Variants in IGSF21 observed in about 807,000 individuals in gnomAD.
IGSF21 encodes the protein immunoglobin superfamily member 21.
A neutral mutation model predicts 46.8 loss-of-function variants in IGSF21; 28 were observed. The observed-to-expected ratio is 0.60, with a 90% confidence interval of 0.44 to 0.82. The LOEUF (loss-of-function observed/expected upper bound fraction) is 0.82, where lower values mean the gene tolerates loss of function less well. Among genes scored for constraint, IGSF21 ranks in the 40% least tolerant of loss-of-function variants. IGSF21 has a pLI of 0.00. For synonymous variants in IGSF21, 284 were observed against 273.6 expected, an observed-to-expected ratio of 1.04 and a Z score of -0.38; for missense variants, 624 against 665.5, an observed-to-expected ratio of 0.94 and a Z score of 0.69.
At chr1:18,250,518 C>T (rs2084831348) in intron 2 of IGSF21, among the ~76,000 whole-genome samples, 1 of 152,192 alleles carries the variant, frequency 6.6e-6, no homozygotes, top group African/African-American at 2.4e-5. Context: ...ATCGCTGTCT[C>T]TCCCTCTCTT....
At chr1:18,368,697 G>A (rs2086193329) in intron 6 of IGSF21, among the ~76,000 whole-genome samples, 1 of 151,992 alleles carries the variant, frequency 6.6e-6, no homozygotes, top group Non-Finnish European at 1.5e-5. Context: ...TTCCTCCCCT[G>A]ACAGAGCAGC....
At chr1:18,202,749 G>A (rs955049420) in intron 1 of IGSF21, among the ~76,000 whole-genome samples, 1 of 152,204 alleles carries the variant, frequency 6.6e-6, no homozygotes, top group Non-Finnish European at 1.5e-5. Flanking sequence ...GTTGAGATGA[G>A]ACTTGGGTGG....
intron 3 of IGSF21, among the ~76,000 whole-genome samples, chr1:18,292,355 G>T (rs1007404016): frequency 6.6e-6 from 1 of 152,244 alleles, no homozygotes; most frequent in African/African-American, 2.4e-5. Context: ...CGGTGAAGCA[G>T]TTCTGCCCGG....
At chr1:18,170,280 G>T (rs2086724273) in intron 1 of IGSF21, among the ~76,000 whole-genome samples, 1 of 152,078 alleles carries the variant, frequency 6.6e-6, no homozygotes, top group South Asian at 2.1e-4. Flanking sequence ...AGCTAGCTAA[G>T]GAATGGGGTC....
chr1:18,329,153 G>T (rs1346992347), intron 3 of IGSF21, among the ~76,000 whole-genome samples: 1 of 152,164 alleles, frequency 6.6e-6, no homozygotes, highest in Non-Finnish European at 1.5e-5. Flanking sequence ...GGGCAGTGGG[G>T]GAGAGCATTC....
intron 2 of IGSF21, among the ~76,000 whole-genome samples, chr1:18,239,601 C>T (rs976151336): frequency 1.1e-4 from 17 of 152,294 alleles, no homozygotes; most frequent in African/African-American, 3.1e-4. Flanking sequence ...GCCCACCATT[C>T]GAATCATATG....
chr1:18,177,178 A>G (rs1477477227), intron 1 of IGSF21, among the ~76,000 whole-genome samples: 2 of 152,230 alleles, frequency 1.3e-5, no homozygotes, highest in African/African-American at 4.8e-5. Flanking sequence ...AGATCCTTCC[A>G]TAAGCTAAAG....
Position 18,335,274 on chromosome 1 carries a change from G to A in IGSF21, c.424+264G>A, listed in dbSNP as rs900159874. ...AGGTACCCCAACAGGACCCTCCCCA[G>A]GGAGTGAAGGATAGCACCTCAGCCG... On this transcript the variant is annotated intron_variant, in intron 4 of 9. Transcript: ENST00000251296. The surrounding 1 kb of genome is among the most constrained non-coding windows in gnomAD (Gnocchi z 4.8). Among the ~76,000 whole-genome samples, 5 of 152,198 alleles carry A rather than the reference G, an allele frequency of 3.3e-5. No homozygotes were observed. Among genetic ancestry groups the A allele is most frequent in the African/African-American group, 1.2e-4 (5 of 41,458 alleles).
chr1:18,348,185 G>A (rs535556327), intron 4 of IGSF21, among the ~76,000 whole-genome samples: 13 of 152,326 alleles, frequency 8.5e-5, no homozygotes, highest in Non-Finnish European at 1.2e-4. Flanking sequence ...AAGTGGCAGC[G>A]TTTGTTTTCA....
At chr1:18,117,397 A>G (rs2086197511) in intron 1 of IGSF21, among the ~76,000 whole-genome samples, 1 of 152,230 alleles carries the variant, frequency 6.6e-6, no homozygotes, top group African/African-American at 2.4e-5. Context: ...AGAAGCTTCT[A>G]GATCTCCAAT....
intron 2 of IGSF21, among the ~76,000 whole-genome samples, chr1:18,283,737 T>C (rs2085185721): frequency 6.6e-6 from 1 of 152,036 alleles, no homozygotes; most frequent in South Asian, 2.1e-4. Context: ...TGCCCGAAAC[T>C]AAAGCCAACT....
chr1:18,192,666 G>A (rs764363373), intron 1 of IGSF21, among the ~76,000 whole-genome samples: 2 of 152,124 alleles, frequency 1.3e-5, no homozygotes, highest in Non-Finnish European at 2.9e-5. Flanking sequence ...GGAGAGCAGT[G>A]CAGAGGGGTG....
intron 2 of IGSF21, among the ~76,000 whole-genome samples, chr1:18,248,934 G>A (rs2084810376): frequency 6.6e-6 from 1 of 152,104 alleles, no homozygotes; most frequent in Admixed American, 6.5e-5. Flanking sequence ...GGTCAAGGTT[G>A]GCTTCGCAGG....
At chr1:18,215,464 T>G (rs531529446) in intron 1 of IGSF21, among the ~76,000 whole-genome samples, 1 of 152,024 alleles carries the variant, frequency 6.6e-6, no homozygotes, top group African/African-American at 2.4e-5. Context: ...CTAACCCAGA[T>G]TTGGGAATGC....
intron 2 of IGSF21, among the ~76,000 whole-genome samples, chr1:18,273,039 C>CTTTTTTTTTTTTTTTT (rs760448516): frequency 2.2e-4 from 18 of 80,720 alleles, no homozygotes; most frequent in Non-Finnish European, 3.1e-4. Context: ...CCAGACGGAT[C>CTTTTTTTTTTTTTTTT]TTTTTTTTTT....
chr1:18,294,908 C>T (rs1322788157), intron 3 of IGSF21, among the ~76,000 whole-genome samples: 1 of 152,256 alleles, frequency 6.6e-6, no homozygotes. Context: ...CGGGACTCCG[C>T]ATTTACATAT....
intron 3 of IGSF21, among the ~76,000 whole-genome samples, chr1:18,299,145 A>G (rs893854022): frequency 6.6e-6 from 1 of 152,190 alleles, no homozygotes; most frequent in African/African-American, 2.4e-5. Flanking sequence ...AGGAGCTGGG[A>G]GCTGATTCTC....
At chr1:18,370,787 A>G (rs1569895233) in intron 6 of IGSF21, among the ~76,000 whole-genome samples, 1 of 152,184 alleles carries the variant, frequency 6.6e-6, no homozygotes, top group East Asian at 1.9e-4. Context: ...TTTTTAAAAA[A>G]GAAAATATAC....
At chr1:18,142,827 A>G (rs1405332418) in intron 1 of IGSF21, among the ~76,000 whole-genome samples, 1 of 152,142 alleles carries the variant, frequency 6.6e-6, no homozygotes, top group Non-Finnish European at 1.5e-5. Context: ...GAGTGGGACA[A>G]ATGCCCATCC....
Sources: gnomAD v4.1 joint callset for allele counts (sites outside exome capture counted in the v4.1 genomes callset) on GRCh38, gnomAD v4.1.1 for gene constraint, Gnocchi (gnomAD v3.1) non-coding constraint, MANE v1.5 for transcripts, NCBI Gene and HGNC (gene_info 2026-07-23, HGNC 2026-07-21) for gene names.